Variants in CEP135 observed in about 807,000 individuals in gnomAD.
CEP135 encodes the protein centrosomal protein 135.
A neutral mutation model predicts 157.3 loss-of-function variants in CEP135; 142 were observed. The observed-to-expected ratio is 0.90, with a 90% CI of 0.79 to 1.04. The LOEUF is 1.04. Among genes scored for constraint, CEP135 ranks in the 50% least tolerant of loss-of-function variants. The pLI, the probability that CEP135 is intolerant of heterozygous loss-of-function variation, is 0.00. For missense variants in CEP135, 1,317 were observed against 1,309.2 expected, an observed-to-expected ratio of 1.01 and a Z score of -0.09; for synonymous variants, 396 against 439.8, an observed-to-expected ratio of 0.90 and a Z score of 1.25.
intron 22 of CEP135, 71 bp from the exon 23 acceptor site, chr4:56,019,282 G>A: frequency 8.3e-7 from 1 of 1,203,942 alleles, no homozygotes; most frequent in South Asian, 1.5e-5. Context: ...GAGCTATATT[G>A]TCAGATAAAT....
chr4:55,955,675 T>A (rs1560396500), intron 4 of CEP135, among the ~76,000 whole-genome samples: 1 of 152,202 alleles, frequency 6.6e-6, no homozygotes, highest in East Asian at 1.9e-4. Flanking sequence ...AGATAGTGAG[T>A]AAATGTAGAT....
At chr4:55,980,384 T>A in intron 12 of CEP135, 89 bp downstream of exon 12, 1 of 734,088 alleles carries the variant, frequency 1.4e-6, no homozygotes, top group South Asian at 2.6e-5. Flanking sequence ...ATTACTATAA[T>A]ATATGGACCT....
intron 1 of CEP135, among the ~76,000 whole-genome samples, chr4:55,951,809 G>A (rs2109637391): frequency 1.3e-5 from 2 of 152,242 alleles, no homozygotes; most frequent in Middle Eastern, 6.8e-3. Context: ...GCCTCTCTGA[G>A]AAGTCTCTGC....
At chr4:55,993,518 C>CTGCTTTTTTCTT (rs539643468) in intron 15 of CEP135, among the ~76,000 whole-genome samples, 1 of 152,176 alleles carries the variant, frequency 6.6e-6, no homozygotes, top group South Asian at 2.1e-4. Context: ...AAAGTAGATA[C>CTGCTTTTTTCTT]TGCTTTTTTC....
intron 4 of CEP135, 137 bp from the exon 5 acceptor site, chr4:55,957,086 T>C: frequency 3.5e-6 from 3 of 850,572 alleles, no homozygotes; most frequent in East Asian, 2.6e-5. Flanking sequence ...TATTTATATA[T>C]TGATGGAGAA....
chr4:55,971,796 A>G (rs1729034960), intron 10 of CEP135, among the ~76,000 whole-genome samples: 1 of 152,200 alleles, frequency 6.6e-6, no homozygotes, highest in Admixed American at 6.5e-5. Context: ...ACACACACAA[A>G]TTGAAATAGG....
In CEP135 at chr4:55,998,336, G is replaced by C. The variant is rs187013718; in HGVS notation, c.2010-966G>C. 3.9e-5 allele frequency among the ~76,000 whole-genome samples: 6 copies of C among 152,242 alleles called. No homozygotes were observed. In the East Asian group the frequency reaches 1.2e-3, roughly 29 times the overall value. ...TCTGAAGACTCTGCATGACATGAAA[G>C]CAAATTTTTACTGTTAAACCTTCCA... On this transcript the variant is annotated intron_variant, in intron 15 of 25. Transcript: ENST00000257287.
At chr4:55,972,414 C>T (rs1729058730) in intron 10 of CEP135, among the ~76,000 whole-genome samples, 1 of 152,148 alleles carries the variant, frequency 6.6e-6, no homozygotes, top group African/African-American at 2.4e-5. Flanking sequence ...TGCTCAATGA[C>T]AATACACCAG....
chr4:56,021,678 T>C (rs1217370534), intron 24 of CEP135, among the ~76,000 whole-genome samples: 2 of 152,208 alleles, frequency 1.3e-5, no homozygotes, highest in African/African-American at 4.8e-5. Context: ...CAAAACTTTG[T>C]AGTGATGTGC....
At chr4:55,970,162 G>A (rs941135545) in intron 9 of CEP135, among the ~76,000 whole-genome samples, 1 of 151,792 alleles carries the variant, frequency 6.6e-6, no homozygotes, top group African/African-American at 2.4e-5. Flanking sequence ...ATGAGCCACT[G>A]TGCCCAGCCC....
intron 8 of CEP135, 76 bp downstream of exon 8, chr4:55,965,935 T>A: frequency 8.1e-7 from 1 of 1,236,500 alleles, no homozygotes; most frequent in Non-Finnish European, 1.1e-6. Flanking sequence ...TCCCTTTTGA[T>A]ATCTGCATTC....
chr4:55,972,732 GTA>G (rs1729067455), intron 10 of CEP135, among the ~76,000 whole-genome samples: 1 of 152,198 alleles, frequency 6.6e-6, no homozygotes, highest in African/African-American at 2.4e-5. Context: ...TTAGAACCAT[GTA>G]TAAAAGTTTA....
intron 13 of CEP135, 22 bp downstream of exon 13, chr4:55,981,401 T>A (rs749540738): frequency 1.3e-6 from 2 of 1,555,144 alleles, no homozygotes; most frequent in Middle Eastern, 1.7e-4. Context: ...GACATGTTTT[T>A]GAAAGGTAAT....
At position 55,970,618 on chromosome 4, in the gene CEP135, C is replaced by T. The variant is rs542641761; in HGVS notation, c.1111-652C>T. Among the ~76,000 whole-genome samples, 16 of 152,268 alleles carry T rather than the reference C, an allele frequency of 1.1e-4. No homozygotes were observed. The East Asian group carries it at 3.1e-3, about 29-fold the overall frequency. On this transcript the variant is annotated intron_variant, in intron 9 of 25. Coordinates refer to ENST00000257287, the MANE Select transcript of CEP135 (RefSeq NM_025009.5). ...TGGATGTGATTCATAATACTTGTCT[C>T]AGAACTGTGACCAAGTTTTAGTAGT...
chr4:55,958,578 T>A (rs562905467), intron 5 of CEP135, among the ~76,000 whole-genome samples: 1 of 152,358 alleles, frequency 6.6e-6, no homozygotes, highest in East Asian at 1.9e-4. Context: ...TTGGGCTGCA[T>A]AAGTGACATT....
At chr4:55,955,986 A>T (rs922415715) in intron 4 of CEP135, among the ~76,000 whole-genome samples, 2 of 152,166 alleles carry the variant, frequency 1.3e-5, no homozygotes, top group African/African-American at 4.8e-5. Context: ...TAGACTGGGA[A>T]GAGAGGAGAC....
chr4:56,030,299 A>C (rs2109759000), intron 25 of CEP135, among the ~76,000 whole-genome samples: 1 of 152,372 alleles, frequency 6.6e-6, no homozygotes, highest in African/African-American at 2.4e-5. Context: ...CTTTAAAATA[A>C]TGATTAAAAG....
intron 1 of CEP135, 84 bp downstream of exon 1, chr4:55,949,143 C>T (rs967360910): frequency 6.5e-6 from 1 of 152,928 alleles, no homozygotes; most frequent in African/African-American, 2.4e-5. Flanking sequence ...GGGCCGGGCT[C>T]GGGCACTGCC....
chr4:55,961,164 A>ATGT (rs58090575), intron 6 of CEP135, among the ~76,000 whole-genome samples: 9,486 of 151,418 alleles, frequency 0.063, 390 homozygotes, highest in East Asian at 0.13. Flanking sequence ...TCATGAAGAG[A>ATGT]TGTTGAAAAT....
Sources: allele counts gnomAD v4.1 joint callset (sites outside exome capture counted in the v4.1 genomes callset), GRCh38; gene constraint gnomAD v4.1.1; transcripts MANE v1.5; gene names NCBI Gene and HGNC (gene_info 2026-07-23, HGNC 2026-07-21).